Variants in KCMF1 observed in about 807,000 individuals in gnomAD.
KCMF1 encodes potassium channel modulatory factor 1, also known as E3 ubiquitin-protein ligase KCMF1.
Under a neutral mutation model 41.1 loss-of-function variants are expected in KCMF1, and 3 were observed. The ratio of observed to expected loss-of-function variants is 0.07; its 90% CI spans 0.03 to 0.19. The LOEUF is 0.19. KCMF1 is among the 10% of genes least tolerant of loss of function. The probability of loss-of-function intolerance (pLI) is 1.00; values close to 1 mark genes in which losing one functional copy is unlikely to be tolerated. For missense variants in KCMF1, 286 were observed against 488.9 expected (o/e 0.58, Z 3.91); for synonymous variants, 142 against 164.5 (o/e 0.86, Z 1.04).
At chr2:84,973,515 G>T (rs963363329) in intron 1 of KCMF1, among the ~76,000 whole-genome samples, 5 of 152,090 alleles carry the variant, frequency 3.3e-5, no homozygotes, top group African/African-American at 4.8e-5. Flanking sequence ...AATGAAAAAG[G>T]AACATACCTA....
At chr2:84,992,428 G>C (rs574374585) in intron 1 of KCMF1, among the ~76,000 whole-genome samples, 16 of 151,870 alleles carry the variant, frequency 1.1e-4, no homozygotes, top group Non-Finnish European at 2.9e-5. Flanking sequence ...GCTAATTTTT[G>C]TATTTTTAGT....
At chr2:85,045,401 T>C (rs1211082715) in intron 4 of KCMF1, among the ~76,000 whole-genome samples, 2 of 152,212 alleles carry the variant, frequency 1.3e-5, no homozygotes, top group Non-Finnish European at 2.9e-5. Flanking sequence ...CATCCGGTCC[T>C]TAAATAACTC....
chr2:84,992,893 T>G (rs186484092), intron 1 of KCMF1, among the ~76,000 whole-genome samples: 1 of 152,284 alleles, frequency 6.6e-6, no homozygotes, highest in African/African-American at 2.4e-5. Context: ...GTGCTGAGAT[T>G]ACAGCATCAC....
chr2:85,044,399 G>A (rs116191303), intron 4 of KCMF1, among the ~76,000 whole-genome samples: 2,321 of 151,880 alleles, frequency 0.015, 59 homozygotes, highest in African/African-American at 0.052. Flanking sequence ...TTAAAAGTCG[G>A]AGTCTTGCTC....
At chr2:85,044,401 G>A (rs1041051452) in intron 4 of KCMF1, among the ~76,000 whole-genome samples, 7 of 151,736 alleles carry the variant, frequency 4.6e-5, no homozygotes, top group African/African-American at 1.7e-4. Context: ...AAAAGTCGGA[G>A]TCTTGCTCTG....
chr2:84,975,756 T>C (rs1480944114), intron 1 of KCMF1, among the ~76,000 whole-genome samples: 1 of 152,230 alleles, frequency 6.6e-6, no homozygotes, highest in East Asian at 1.9e-4. Flanking sequence ...TTCAAATACA[T>C]TTAAAATGTA....
intron 1 of KCMF1, among the ~76,000 whole-genome samples, chr2:85,014,724 CGT>C (rs72066261): frequency 0.091 from 12,469 of 137,726 alleles, 744 homozygotes; most frequent in African/African-American, 0.18. Flanking sequence ...TGCGTGCGTG[CGT>C]GTGTGTGTGT....
chr2:85,042,077 C>G (rs904972826), intron 3 of KCMF1, among the ~76,000 whole-genome samples: 4 of 152,174 alleles, frequency 2.6e-5, no homozygotes, highest in African/African-American at 9.7e-5. Flanking sequence ...AAGGCATAGG[C>G]AGGTCTATCT....
intron 1 of KCMF1, among the ~76,000 whole-genome samples, chr2:85,019,077 T>C (rs1674863109): frequency 6.6e-6 from 1 of 152,194 alleles, no homozygotes; most frequent in Admixed American, 6.5e-5. Context: ...AGTGTACTGA[T>C]ATCTCATCAG....
intron 1 of KCMF1, among the ~76,000 whole-genome samples, chr2:85,023,078 G>A (rs368027547): frequency 4.0e-5 from 6 of 151,422 alleles, no homozygotes; most frequent in Admixed American, 6.6e-5. Context: ...TAGTAGAGAC[G>A]GGGTTTCACT....
At chr2:85,034,973 T>G (rs1675372276) in intron 2 of KCMF1, 43 bp from the exon 3 acceptor site, 1 of 1,518,602 alleles carries the variant, frequency 6.6e-7, no homozygotes, top group Admixed American at 1.8e-5. Flanking sequence ...TTTATATGTT[T>G]AAAAACTAAT....
chr2:85,039,576 A>G (rs1374442619), intron 3 of KCMF1, among the ~76,000 whole-genome samples: 1 of 152,182 alleles, frequency 6.6e-6, no homozygotes, highest in Non-Finnish European at 1.5e-5. Flanking sequence ...CTGTGCTATA[A>G]TGTGTCCTAA....
intron 3 of KCMF1, among the ~76,000 whole-genome samples, chr2:85,036,750 C>T (rs1172689144): frequency 1.3e-5 from 2 of 151,086 alleles, no homozygotes; most frequent in Admixed American, 1.3e-4. Context: ...CATGATTGTG[C>T]CACTGCATTG....
At chr2:85,004,764 G>A (rs1282880716) in intron 1 of KCMF1, among the ~76,000 whole-genome samples, 1 of 152,142 alleles carries the variant, frequency 6.6e-6, no homozygotes, top group African/African-American at 2.4e-5. Flanking sequence ...AGATTTTCAT[G>A]AGTCTTGCTT....
intron 1 of KCMF1, among the ~76,000 whole-genome samples, chr2:84,974,987 G>A (rs1673508576): frequency 1.3e-5 from 2 of 151,956 alleles, no homozygotes; most frequent in Admixed American, 6.6e-5. Flanking sequence ...GATTACAGGC[G>A]TAAGCCACCG....
chr2:85,029,536 G>A (rs1182460458), intron 2 of KCMF1, among the ~76,000 whole-genome samples: 1 of 151,448 alleles, frequency 6.6e-6, no homozygotes, highest in Non-Finnish European at 1.5e-5. Flanking sequence ...GAGGTCAAGT[G>A]TGCAGTGAAC....
chr2:85,000,127 A>G (rs964474016), intron 1 of KCMF1, among the ~76,000 whole-genome samples: 8 of 152,238 alleles, frequency 5.3e-5, no homozygotes, highest in Non-Finnish European at 1.2e-4. Context: ...AAAATTAAAT[A>G]TAACTAAGAC....
At chr2:85,005,616 G>A (rs190002198) in intron 1 of KCMF1, among the ~76,000 whole-genome samples, 13 of 152,082 alleles carry the variant, frequency 8.5e-5, no homozygotes, top group African/African-American at 2.9e-4. Flanking sequence ...TAATTGACAC[G>A]TGATAATTAT....
In KCMF1 at chr2:85,035,043, C is replaced by T; in HGVS notation, c.212C>T (p.Ser71Phe). 6.2e-7 allele frequency: 1 copy of T among 1,612,888 alleles called. No homozygotes were observed. The highest frequency in any genetic ancestry group is 8.5e-7 in the Non-Finnish European group (1 of 1,179,142). Residue 71 changes from serine to phenylalanine, a missense_variant, in exon 3 of 7, where the codon TCT becomes TTT. This residue lies in a region of KCMF1 where 95 missense variants were observed against 209.6 expected (regional missense o/e 0.45). Coordinates refer to ENST00000409785, the MANE Select transcript of KCMF1 (RefSeq NM_020122.5). ...FDLYYGGEAF[S>F]VEQPQSFTCP... ...TTATACTATGGTGGGGAAGCTTTCT[C>T]TGTAGAGCAGCCACAGTCTTTTACT... is the stretch of plus-strand genomic sequence containing the variant.
Sources: gnomAD v4.1 joint callset for allele counts (sites outside exome capture counted in the v4.1 genomes callset) on GRCh38, gnomAD v4.1.1 for gene constraint, gnomAD v4.1.1 regional missense constraint, MANE v1.5 for transcripts, NCBI Gene and HGNC (gene_info 2026-07-23, HGNC 2026-07-21) for gene names.